Variants in NALF1 observed in about 807,000 individuals in gnomAD.
NALF1 encodes the protein NALCN channel auxiliary factor 1, also known as family with sequence similarity 155 member A.
In NALF1, 3 loss-of-function variants were observed where a neutral mutation model predicts 48.4. The observed-to-expected ratio is 0.06, with a 90% CI of 0.03 to 0.16. NALF1 has a LOEUF of 0.16. Ranked by LOEUF, NALF1 falls within the 10% of genes least tolerant of loss-of-function variation. NALF1 has a pLI of 1.00. For missense variants in NALF1, 526 were observed against 571.5 expected, an observed-to-expected ratio of 0.92 and a Z score of 0.81; for synonymous variants, 262 against 245.7, an observed-to-expected ratio of 1.07 and a Z score of -0.62.
intron 1 of NALF1, among the ~76,000 whole-genome samples, chr13:107,257,490 C>CT (rs34197611): frequency 0.29 from 42,872 of 146,846 alleles, 6,390 homozygotes; most frequent in Middle Eastern, 0.33. Context: ...GTTTCTTCTG[C>CT]TTTTTTTTTT....
chr13:107,484,987 T>C (rs779444035), intron 1 of NALF1, among the ~76,000 whole-genome samples: 1 of 152,166 alleles, frequency 6.6e-6, no homozygotes, highest in Admixed American at 6.6e-5. Context: ...TGGAACATAA[T>C]GGGATATCAA....
At chr13:107,630,426 A>G (rs1159430152) in intron 1 of NALF1, among the ~76,000 whole-genome samples, 1 of 151,190 alleles carries the variant, frequency 6.6e-6, no homozygotes, top group Admixed American at 6.6e-5. Context: ...CTCAAATATC[A>G]CCCCCCGTCC....
intron 1 of NALF1, among the ~76,000 whole-genome samples, chr13:107,364,731 C>T (rs574594948): frequency 1.7e-4 from 26 of 152,224 alleles, no homozygotes; most frequent in Non-Finnish European, 2.4e-4. Flanking sequence ...AGGATCTTCA[C>T]TGTAATACAG....
chr13:107,574,860 T>C (rs1878089809), intron 1 of NALF1, among the ~76,000 whole-genome samples: 1 of 152,180 alleles, frequency 6.6e-6, no homozygotes, highest in Non-Finnish European at 1.5e-5. Context: ...AACAGAGATT[T>C]GGAAAAGAAA....
chr13:107,295,381 A>G (rs927663372), intron 1 of NALF1, among the ~76,000 whole-genome samples: 1 of 152,156 alleles, frequency 6.6e-6, no homozygotes, highest in African/African-American at 2.4e-5. Flanking sequence ...TGCTTTATCT[A>G]ATCCACCATT....
intron 1 of NALF1, among the ~76,000 whole-genome samples, chr13:107,414,776 T>C (rs1884056172): frequency 1.3e-5 from 2 of 151,802 alleles, no homozygotes; most frequent in Admixed American, 1.3e-4. Flanking sequence ...ATCTTGATCA[T>C]GAAGTTTCTG....
chr13:107,395,355 C>A (rs898438045), intron 1 of NALF1, among the ~76,000 whole-genome samples: 11 of 152,124 alleles, frequency 7.2e-5, no homozygotes, highest in Non-Finnish European at 1.3e-4. Context: ...ATCTTCCCAA[C>A]ACTAAAGGCA....
At chr13:107,348,745 A>T (rs1882818870) in intron 1 of NALF1, among the ~76,000 whole-genome samples, 1 of 152,200 alleles carries the variant, frequency 6.6e-6, no homozygotes, top group South Asian at 2.1e-4. Flanking sequence ...TTTTCAGACG[A>T]AGCAGGCATT....
In NALF1 at chr13:107,438,827, C is replaced by CAAAAAAAAAAAAAAAAAAAAAAAAA. The variant is rs61686895; in HGVS notation, c.916-228073_916-228072insTTTTTTTTTTTTTTTTTTTTTTTTT. Among the ~76,000 whole-genome samples the CAAAAAAAAAAAAAAAAAAAAAAAAA allele has an allele frequency of 4.5e-4, 8 of 17,956 alleles. 1 individual carries two copies. Among genetic ancestry groups the CAAAAAAAAAAAAAAAAAAAAAAAAA allele is most frequent in the Admixed American group, 1.0e-3 (1 of 958 alleles). 11.8% of individuals were successfully genotyped at this position (17,956 alleles called of 152,430 possible). ...TGGATGACAGAGTGAGACTCCATCT[C>CAAAAAAAAAAAAAAAAAAAAAAAAA]AAAAAAAAAAAAAAAAAAAAAAAAG... On this transcript the variant is annotated intron_variant, in intron 1 of 2. Coordinates refer to ENST00000375915, the MANE Select transcript of NALF1 (RefSeq NM_001080396.3).
At chr13:107,201,678 T>C (rs556816392) in intron 2 of NALF1, among the ~76,000 whole-genome samples, 99 of 152,352 alleles carry the variant, frequency 6.5e-4, no homozygotes, top group African/African-American at 2.3e-3. Flanking sequence ...TCCCTTGTGA[T>C]TGAAATTATT....
intron 1 of NALF1, among the ~76,000 whole-genome samples, chr13:107,726,158 C>A (rs1425540622): frequency 6.6e-6 from 1 of 152,122 alleles, no homozygotes; most frequent in African/African-American, 2.4e-5. Context: ...CAAAAATTGA[C>A]AATTTTCATT....
intron 1 of NALF1, among the ~76,000 whole-genome samples, chr13:107,260,384 T>C (rs1242843045): frequency 1.3e-5 from 2 of 152,236 alleles, no homozygotes; most frequent in African/African-American, 4.8e-5. Context: ...CCCTGCATGT[T>C]GGAAATACAG....
chr13:107,346,699 T>C (rs1282578686), intron 1 of NALF1, among the ~76,000 whole-genome samples: 1 of 152,198 alleles, frequency 6.6e-6, no homozygotes, highest in African/African-American at 2.4e-5. Context: ...TGCTCAATGA[T>C]ATGCATATAA....
In NALF1 at chr13:107,866,668, T is replaced by C; in HGVS notation, c.-72A>G. On this transcript the variant is annotated 5_prime_UTR_variant, in exon 1 of 3. Coordinates refer to ENST00000375915, the MANE Select transcript of NALF1 (RefSeq NM_001080396.3). The surrounding 1 kb of genome is among the most constrained non-coding windows in gnomAD (Gnocchi z 4.4). Reference sequence around the variant, plus strand: ...GTGCCGGTGTCACCACAATATGCATTGACTTAAAGGGTTTAATTTCCTTAT... The same window carrying C: ...GTGCCGGTGTCACCACAATATGCATCGACTTAAAGGGTTTAATTTCCTTAT... 1 of 1,286,504 alleles carries C rather than the reference T, an allele frequency of 7.8e-7. No individual in the cohort carries two copies. The highest frequency in any genetic ancestry group is 1.1e-6 in the Non-Finnish European group (1 of 928,648). 79.7% of individuals were successfully genotyped at this position (1,286,504 alleles called of 1,614,324 possible).
At chr13:107,555,757 GA>G (rs577271445) in intron 1 of NALF1, among the ~76,000 whole-genome samples, 61 of 151,634 alleles carry the variant, frequency 4.0e-4, no homozygotes, top group African/African-American at 1.1e-3. Context: ...TATGTATAAT[GA>G]AAAAAATGTC....
chr13:107,278,840 C>T (rs1010842477), intron 1 of NALF1, among the ~76,000 whole-genome samples: 10 of 152,052 alleles, frequency 6.6e-5, no homozygotes, highest in Non-Finnish European at 1.3e-4. Context: ...TTTCACAATA[C>T]ATTGGAATTT....
At chr13:107,524,358 C>G (rs530297034) in intron 1 of NALF1, among the ~76,000 whole-genome samples, 1 of 152,226 alleles carries the variant, frequency 6.6e-6, no homozygotes, top group South Asian at 2.1e-4. Context: ...TTGAGAGCTA[C>G]TTCTTTGATT....
In NALF1 at chr13:107,786,416, CAAAA is replaced by C. The variant is rs34857705; in HGVS notation, c.915+79262_915+79265del. On this transcript the variant is annotated intron_variant, in intron 1 of 2. Coordinates refer to ENST00000375915, the MANE Select transcript of NALF1 (RefSeq NM_001080396.3). ...GGGCAACAAGAGCGAAACTCTTTCT[CAAAA>C]AAAAAAAAAAAAAAAAAAAAAAGCC... Among the ~76,000 whole-genome samples the C allele has an allele frequency of 1.7e-3, 50 of 29,704 alleles. No individual in the cohort carries two copies. In the South Asian group the frequency reaches 0.065, roughly 38 times the overall value. The allele number at this position is 29,704 out of a possible 152,430, so 19.5% of individuals were successfully genotyped here. A position where few individuals can be genotyped will look rare whatever the true frequency, so the allele number is the denominator to read the frequency against.
At chr13:107,582,052 G>A (rs1924440) in intron 1 of NALF1, among the ~76,000 whole-genome samples, 123,524 of 152,150 alleles carry the variant, frequency 0.81, 50,162 homozygotes, top group Admixed American at 0.84. Context: ...GAACTCTCCA[G>A]TGCTGTAGGT....
Sources: gnomAD v4.1 joint callset for allele counts (sites outside exome capture counted in the v4.1 genomes callset) on GRCh38, gnomAD v4.1.1 for gene constraint, Gnocchi (gnomAD v3.1) non-coding constraint, MANE v1.5 for transcripts, NCBI Gene and HGNC (gene_info 2026-07-23, HGNC 2026-07-21) for gene names.